Variants in CRYL1 observed in about 807,000 individuals in gnomAD.
The protein encoded by CRYL1 is crystallin lambda 1.
A neutral mutation model predicts 36.6 loss-of-function variants in CRYL1; 29 were observed. That is an observed-to-expected ratio of 0.79 (90% CI 0.59 to 1.08). CRYL1 has a LOEUF of 1.08. Among genes scored for constraint, CRYL1 ranks in the 50% least tolerant of loss-of-function variants. CRYL1 has a pLI of 0.00. For synonymous variants in CRYL1, 152 were observed against 151.5 expected (o/e 1.00, Z -0.02); for missense variants, 411 against 407.9 (o/e 1.01, Z -0.06).
At chr13:20,469,778 C>G (rs2033017656) in intron 3 of CRYL1, among the ~76,000 whole-genome samples, 1 of 152,218 alleles carries the variant, frequency 6.6e-6, no homozygotes, top group South Asian at 2.1e-4. Context: ...AAGGTCTTGG[C>G]TGAGCCAGTC....
intron 3 of CRYL1, among the ~76,000 whole-genome samples, chr13:20,445,564 C>T (rs2032434989): frequency 6.6e-6 from 1 of 152,084 alleles, no homozygotes; most frequent in South Asian, 2.1e-4. Context: ...CAACCAGAGC[C>T]CTAGTTTTTC....
At chr13:20,507,076 C>A (rs560592516) in intron 2 of CRYL1, among the ~76,000 whole-genome samples, 2 of 152,290 alleles carry the variant, frequency 1.3e-5, no homozygotes, top group African/African-American at 4.8e-5. Context: ...GTGAGATGTG[C>A]CGTTCACCTT....
rs33925139 is a variant in CRYL1, at chr13:20,496,844, C to CAAAAA, written c.150-7353_150-7349dup. ...CGGGCACCAGAGCAAGACCCCGTCTCAAAAAAAAAAAAAAAAAGTGTAGGC... is the reference window on the plus strand; with the variant it reads ...CGGGCACCAGAGCAAGACCCCGTCTCAAAAAAAAAAAAAAAAAAAAAAGTGTAGGC... On this transcript the variant is annotated intron_variant, in intron 2 of 7. Coordinates refer to ENST00000298248, the MANE Select transcript of CRYL1 (RefSeq NM_015974.3). Among the ~76,000 whole-genome samples the CAAAAA allele has an allele frequency of 3.5e-4, 42 of 120,454 alleles. 1 individual carries two copies. The highest frequency in any genetic ancestry group is 1.3e-3 in the African/African-American group (40 of 30,446). The allele number at this position is 120,454 out of a possible 152,430, so 79.0% of individuals were successfully genotyped here.
In CRYL1 at chr13:20,432,234, C is replaced by T. The variant is rs375851924; in HGVS notation, c.501G>A (p.Thr167=). 3.1e-6 allele frequency: 5 copies of T among 1,613,598 alleles called. No homozygotes were observed. The highest frequency in any genetic ancestry group is 4.2e-6 in the Non-Finnish European group (5 of 1,179,932). The part of the protein sequence containing the change: ...ELVPHPETAP[T]TVDRTHALMK... ...TCAGGGCGTGGGTTCTGTCCACTGTCGTAGGGGCCGTCTCCGGGTGGGGGA... is the reference window on the plus strand; with the variant it reads ...TCAGGGCGTGGGTTCTGTCCACTGTTGTAGGGGCCGTCTCCGGGTGGGGGA... The change falls in exon 5 of 8, where the codon ACG becomes ACA. Residue 167 remains threonine (T), a synonymous_variant. Transcript: ENST00000298248.
intron 2 of CRYL1, among the ~76,000 whole-genome samples, chr13:20,493,879 G>T (rs1353410958): frequency 1.1e-4 from 17 of 152,174 alleles, no homozygotes; most frequent in Non-Finnish European, 1.5e-5. Flanking sequence ...AGAGGCTCAG[G>T]TGTCCCCTGA....
intron 3 of CRYL1, among the ~76,000 whole-genome samples, chr13:20,476,037 C>T (rs7324189): frequency 0.58 from 88,476 of 151,792 alleles, 27,016 homozygotes; most frequent in South Asian, 0.75. Flanking sequence ...CCTGCGCACG[C>T]GGCAGGAAGG....
chr13:20,467,769 C>T (rs1227261953), intron 3 of CRYL1, among the ~76,000 whole-genome samples: 1 of 152,120 alleles, frequency 6.6e-6, no homozygotes, highest in African/African-American at 2.4e-5. Context: ...TGCAGTGAGC[C>T]GAGATTGGGC....
intron 3 of CRYL1, among the ~76,000 whole-genome samples, chr13:20,472,200 A>G (rs865779110): frequency 6.6e-6 from 1 of 152,076 alleles, no homozygotes; most frequent in African/African-American, 2.4e-5. Context: ...GTATTTTCAT[A>G]TCACCTGTGC....
In CRYL1 at chr13:20,415,313, G is replaced by A. The variant is rs1483216077; in HGVS notation, c.634-1926C>T. Among the ~76,000 whole-genome samples, 1 of 152,140 alleles carries A rather than the reference G, an allele frequency of 6.6e-6. No individual in the cohort carries two copies. The highest frequency in any genetic ancestry group is 1.5e-5 in the Non-Finnish European group (1 of 67,998). On this transcript the variant is annotated intron_variant, in intron 5 of 7. Transcript: ENST00000298248. This position sits in a 1 kb window ranked among gnomAD's most constrained non-coding sequence, Gnocchi z 4.1. ...CCTGGGCCTGGCCTCGAGGTTCCTG[G>A]GCCTCCAGGGCAGCCCCAGGGGTCC...
chr13:20,482,739 C>CTGTGTGTGTGTGTG (rs148128861), intron 3 of CRYL1, among the ~76,000 whole-genome samples: 4 of 150,814 alleles, frequency 2.7e-5, no homozygotes, highest in African/African-American at 7.3e-5. Context: ...GGCAAGCAGT[C>CTGTGTGTGTGTGTG]TGTGTGTGTG....
intron 4 of CRYL1, 54 bp downstream of exon 4, chr13:20,439,539 A>AAAAAAAAAAAG: frequency 1.4e-6 from 2 of 1,380,452 alleles, no homozygotes; most frequent in East Asian, 2.5e-5. Context: ...AAGAAAAAAA[A>AAAAAAAAAAAG]AAAACACAGA....
At chr13:20,456,855 G>A (rs1422079446) in intron 3 of CRYL1, among the ~76,000 whole-genome samples, 2 of 101,082 alleles carry the variant, frequency 2.0e-5, no homozygotes, top group Non-Finnish European at 2.2e-5. Context: ...CTGAACAGCA[G>A]AGGGAAGTCA....
intron 3 of CRYL1, among the ~76,000 whole-genome samples, chr13:20,473,315 T>C (rs1242937171): frequency 6.6e-6 from 1 of 152,256 alleles, no homozygotes; most frequent in African/African-American, 2.4e-5. Flanking sequence ...CGTCGGACTT[T>C]AAGGAGCTGT....
chr13:20,457,107 G>GT (rs1298432865), intron 3 of CRYL1, among the ~76,000 whole-genome samples: 2 of 152,076 alleles, frequency 1.3e-5, no homozygotes, highest in African/African-American at 4.8e-5. Context: ...AGCCTCTGTG[G>GT]TCCAGCTCTG....
At chr13:20,495,944 T>C (rs1235883273) in intron 2 of CRYL1, among the ~76,000 whole-genome samples, 1 of 152,154 alleles carries the variant, frequency 6.6e-6, no homozygotes, top group Non-Finnish European at 1.5e-5. Context: ...ACTACAGGAA[T>C]GCACCACCAC....
At chr13:20,522,948 C>CA (rs374834067) in intron 1 of CRYL1, among the ~76,000 whole-genome samples, 32 of 105,346 alleles carry the variant, frequency 3.0e-4, no homozygotes, top group Middle Eastern at 0.012. Flanking sequence ...GATGGAGTCT[C>CA]ACTCTATCCC....
At chr13:20,515,577 C>A (rs2033985709) in intron 1 of CRYL1, 1 of 152,036 alleles carries the variant, frequency 6.6e-6, no homozygotes, top group Non-Finnish European at 1.5e-5. Context: ...TATCTGTGTG[C>A]AGAGTCTTAG....
intron 2 of CRYL1, among the ~76,000 whole-genome samples, chr13:20,505,124 G>A (rs999107265): frequency 1.2e-4 from 18 of 152,094 alleles, no homozygotes; most frequent in Non-Finnish European, 2.2e-4. Context: ...GGGAGACCAA[G>A]GCAGGTAGAT....
intron 5 of CRYL1, among the ~76,000 whole-genome samples, chr13:20,420,244 C>T (rs906270051): frequency 7.9e-5 from 12 of 152,330 alleles, no homozygotes; most frequent in African/African-American, 2.9e-4. Flanking sequence ...GGAGTCAGCG[C>T]TCCGGGGAAA....
Sources: allele counts gnomAD v4.1 joint callset (sites outside exome capture counted in the v4.1 genomes callset), GRCh38; gene constraint gnomAD v4.1.1; non-coding constraint Gnocchi (gnomAD v3.1); transcripts MANE v1.5; gene names NCBI Gene and HGNC (gene_info 2026-07-23, HGNC 2026-07-21).